Variants in WWOX observed in about 807,000 individuals in gnomAD.
The protein encoded by WWOX is WW domain-containing oxidoreductase.
Under a neutral mutation model 46.2 loss-of-function variants are expected in WWOX, and 69 were observed. That is an observed-to-expected ratio of 1.49 (90% CI 1.23 to 1.82). WWOX has a LOEUF of 1.82. Ranked by LOEUF, WWOX falls within the 40% of genes most tolerant of loss-of-function variation. WWOX has a pLI of 0.00. For missense variants in WWOX, 919 were observed against 542.6 expected, an observed-to-expected ratio of 1.69 and a Z score of -6.89; for synonymous variants, 359 against 202.6, an observed-to-expected ratio of 1.77 and a Z score of -6.56.
At chr16:78,521,982 G>C (rs1347272107) in intron 8 of WWOX, among the ~76,000 whole-genome samples, 1 of 152,048 alleles carries the variant, frequency 6.6e-6, no homozygotes, top group Non-Finnish European at 1.5e-5. Flanking sequence ...CATTTTGCAA[G>C]TTTTCAGGAA....
chr16:78,156,043 T>C (rs2034585291), intron 4 of WWOX, among the ~76,000 whole-genome samples: 1 of 152,220 alleles, frequency 6.6e-6, no homozygotes, highest in Non-Finnish European at 1.5e-5. Context: ...AGTTGTCTAT[T>C]GCAGCTTTTA....
At chr16:78,393,201 C>T (rs1048697076) in intron 6 of WWOX, among the ~76,000 whole-genome samples, 4 of 152,292 alleles carry the variant, frequency 2.6e-5, no homozygotes, top group Admixed American at 2.6e-4. Flanking sequence ...TTGGGGTTTT[C>T]TGAAATGGAC....
At position 78,355,678 on chromosome 16, in the gene WWOX, TATG is replaced by T. The variant is rs937378310; in HGVS notation, c.517-31179_517-31177del. On this transcript the variant is annotated intron_variant, in intron 5 of 8. Coordinates refer to ENST00000566780, the MANE Select transcript of WWOX (RefSeq NM_016373.4). The stretch of plus-strand genomic sequence containing the variant: ...TACATACTTATGATCAACATTTAAA[TATG>T]ATCTTGGGAGACGTGGAAGAAACTG... 1.8e-5 allele frequency: 13 copies of T among 733,462 alleles called. No homozygotes were observed. The African/African-American group carries it at 2.4e-4, about 13-fold the overall frequency. The allele number at this position is 733,462 out of a possible 1,614,324, so 45.4% of individuals were successfully genotyped here. A position where few individuals can be genotyped will look rare whatever the true frequency, so the allele number is the denominator to read the frequency against.
chr16:78,215,461 C>T (rs1597361992), intron 5 of WWOX, among the ~76,000 whole-genome samples: 1 of 152,290 alleles, frequency 6.6e-6, no homozygotes, highest in Admixed American at 6.5e-5. Context: ...TTTCCCCTGG[C>T]CTTCATTCTC....
intron 5 of WWOX, among the ~76,000 whole-genome samples, chr16:78,199,274 C>T (rs963021100): frequency 2.0e-5 from 3 of 152,114 alleles, no homozygotes; most frequent in African/African-American, 7.2e-5. Flanking sequence ...GATCGCACCA[C>T]TGCACTCCAG....
chr16:78,327,948 C>T (rs921548780), intron 5 of WWOX, among the ~76,000 whole-genome samples: 7 of 138,912 alleles, frequency 5.0e-5, no homozygotes, highest in African/African-American at 1.9e-4. Context: ...ACAATCTTGG[C>T]TCATGGCAAC....
At chr16:78,950,891 G>T (rs1259392010) in intron 8 of WWOX, among the ~76,000 whole-genome samples, 1 of 152,296 alleles carries the variant, frequency 6.6e-6, no homozygotes, top group African/African-American at 2.4e-5. Flanking sequence ...TGGCAGAGGT[G>T]TGGTAGCTGA....
At chr16:78,818,542 C>G (rs2051405257) in intron 8 of WWOX, among the ~76,000 whole-genome samples, 1 of 152,166 alleles carries the variant, frequency 6.6e-6, no homozygotes, top group Non-Finnish European at 1.5e-5. Context: ...ATCAGTCTGG[C>G]CAACACAGCG....
chr16:78,385,332 G>A (rs1027543803), intron 5 of WWOX, among the ~76,000 whole-genome samples: 1 of 152,162 alleles, frequency 6.6e-6, no homozygotes, highest in South Asian at 2.1e-4. Flanking sequence ...AAGTGGCATC[G>A]GGACAAGAGT....
rs115596634 is a variant in WWOX, at chr16:78,459,660, C to G, written c.1056+26908C>G. Among the ~76,000 whole-genome samples, 449 of 152,190 alleles carry G rather than the reference C, an allele frequency of 3.0e-3. 1 individual carries two copies. Among genetic ancestry groups the G allele is most frequent in the African/African-American group, 0.011 (437 of 41,514 alleles). On this transcript the variant is annotated intron_variant, in intron 8 of 8. Coordinates refer to ENST00000566780, the MANE Select transcript of WWOX (RefSeq NM_016373.4). ...CATTATTATAGATTGCTGATGTTTG[C>G]CAATGGATATTCTTGGAAGTCGTCT...
intron 8 of WWOX, among the ~76,000 whole-genome samples, chr16:78,454,320 T>G (rs931873542): frequency 6.6e-6 from 1 of 151,778 alleles, no homozygotes; most frequent in African/African-American, 2.4e-5. Context: ...CTAAGTTTTT[T>G]CTGTTAAAAC....
chr16:79,115,067 A>G (rs758448378), intron 8 of WWOX, among the ~76,000 whole-genome samples: 1 of 152,210 alleles, frequency 6.6e-6, no homozygotes, highest in Non-Finnish European at 1.5e-5. Context: ...TTGTGCCTCC[A>G]GTGTGGGAAG....
intron 8 of WWOX, among the ~76,000 whole-genome samples, chr16:78,917,914 C>T (rs547093435): frequency 6.6e-6 from 1 of 152,246 alleles, no homozygotes; most frequent in South Asian, 2.1e-4. Flanking sequence ...AAGAAATTGT[C>T]ATATAGGCTG....
rs556201964 is a variant in WWOX, at chr16:78,177,784, G to A, written c.516+13495G>A. Among the ~76,000 whole-genome samples the A allele has an allele frequency of 1.8e-4, 27 of 152,310 alleles. 1 individual carries two copies. The East Asian group carries it at 5.0e-3, about 28-fold the overall frequency. On this transcript the variant is annotated intron_variant, in intron 5 of 8. Transcript: ENST00000566780. ...AGACAGACATTTGGGCTGAATTAGC[G>A]AGGGGAGTGCGGGGTCTGGAGACTC...
At chr16:79,135,866 G>C (rs750496653) in intron 8 of WWOX, among the ~76,000 whole-genome samples, 1 of 151,986 alleles carries the variant, frequency 6.6e-6, no homozygotes, top group Non-Finnish European at 1.5e-5. Context: ...CTTCTTTTCT[G>C]AACTGCCTTT....
At position 78,780,483 on chromosome 16, in the gene WWOX, G is replaced by C. The variant is rs1368838587; in HGVS notation, c.1056+347731G>C. The C allele has an allele frequency of 5.3e-5, 8 of 152,322 alleles. 2 individuals carry two copies. In the South Asian group the frequency reaches 8.3e-4, roughly 16 times the overall value. The allele number at this position is 152,322 out of a possible 1,614,324, so 9.4% of individuals were successfully genotyped here. On this transcript the variant is annotated intron_variant, in intron 8 of 8. Coordinates refer to ENST00000566780, the MANE Select transcript of WWOX (RefSeq NM_016373.4). ...AGGCCTCTGACTTAACAGGACTTCC[G>C]TGATGCGGGGGAAGAAGACAATAGG...
intron 8 of WWOX, among the ~76,000 whole-genome samples, chr16:78,504,350 T>C (rs1350031884): frequency 6.6e-6 from 1 of 152,196 alleles, no homozygotes; most frequent in Non-Finnish European, 1.5e-5. Context: ...AGGAGAAAGG[T>C]ACTTTCTGAG....
chr16:78,990,203 G>A (rs1375804499), intron 8 of WWOX, among the ~76,000 whole-genome samples: 4 of 127,522 alleles, frequency 3.1e-5, no homozygotes, highest in African/African-American at 1.0e-4. Context: ...AAAAAAAAAA[G>A]AGAGAGAGGT....
At chr16:78,433,035 T>TGGGGGTTTG (rs2083261097) in intron 8 of WWOX, among the ~76,000 whole-genome samples, 2 of 152,178 alleles carry the variant, frequency 1.3e-5, no homozygotes, top group Non-Finnish European at 2.9e-5. Flanking sequence ...TGTTTGGTTT[T>TGGGGGTTTG]GTTTTTTTTG....
Sources: allele counts gnomAD v4.1 joint callset (sites outside exome capture counted in the v4.1 genomes callset), GRCh38; gene constraint gnomAD v4.1.1; transcripts MANE v1.5; gene names NCBI Gene and HGNC (gene_info 2026-07-23, HGNC 2026-07-21).